CEP85L: variants seen among roughly 807,000 people sequenced by gnomAD.
CEP85L encodes the protein centrosomal protein of 85 kDa-like.
CEP85L carries 60 observed loss-of-function variants against 100.3 expected under a neutral mutation model. The ratio of observed to expected loss-of-function variants is 0.60; its 90% CI spans 0.49 to 0.74. The LOEUF (loss-of-function observed/expected upper bound fraction) is 0.74. CEP85L is among the 30% of genes least tolerant of loss of function. The pLI is 0.00. For missense variants in CEP85L, 973 were observed against 936.2 expected (o/e 1.04, Z -0.51); for synonymous variants, 319 against 322.7 (o/e 0.99, Z 0.12).
At chr6:118,687,163 A>G (rs1776862252) in intron 1 of CEP85L, among the ~76,000 whole-genome samples, 1 of 152,196 alleles carries the variant, frequency 6.6e-6, no homozygotes, top group Admixed American at 6.5e-5. Flanking sequence ...CTCAAATGTC[A>G]TTCATGTAGA....
In CEP85L at chr6:118,501,779, C is replaced by T. The variant is rs1775317886; in HGVS notation, c.1257+9519G>A. 1.1e-5 allele frequency: 11 copies of T among 1,007,004 alleles called. No homozygotes were observed. In the East Asian group the frequency reaches 2.7e-4, roughly 25 times the overall value. 62.4% of individuals were successfully genotyped at this position (1,007,004 alleles called of 1,614,324 possible). A position where few individuals can be genotyped will look rare whatever the true frequency, so the allele number is the denominator to read the frequency against. ...AAGCAGAAAGACAGAACAGACATCT[C>T]ACAGAGTGGGGAGGATGGAGGCTGC... is the stretch of plus-strand genomic sequence containing the variant. On this transcript the variant is annotated intron_variant, in intron 5 of 12. Coordinates refer to ENST00000368491, the MANE Select transcript of CEP85L (RefSeq NM_001042475.3).
chr6:118,551,952 A>G (rs1230742052), intron 3 of CEP85L, among the ~76,000 whole-genome samples: 1 of 152,020 alleles, frequency 6.6e-6, no homozygotes, highest in Non-Finnish European at 1.5e-5. Flanking sequence ...CCACAAGTCC[A>G]AAAAAGGGTA....
intron 1 of CEP85L, among the ~76,000 whole-genome samples, chr6:118,648,161 C>G (rs1775321763): frequency 1.3e-5 from 2 of 151,994 alleles, no homozygotes; most frequent in Non-Finnish European, 2.9e-5. Context: ...GACTGAGGCA[C>G]GAGAACCGCT....
intron 2 of CEP85L, among the ~76,000 whole-genome samples, chr6:118,623,421 TC>T (rs1231484195): frequency 6.6e-6 from 1 of 152,178 alleles, no homozygotes; most frequent in Admixed American, 6.5e-5. Context: ...ATGAAATAAT[TC>T]CTATATTCGG....
intron 4 of CEP85L, among the ~76,000 whole-genome samples, chr6:118,516,374 G>A (rs148838310): frequency 0.017 from 2,583 of 152,298 alleles, 69 homozygotes; most frequent in African/African-American, 0.059. Context: ...CACCAACAGT[G>A]TAAAAGTGTT....
chr6:118,600,102 A>C (rs148645840), intron 2 of CEP85L, among the ~76,000 whole-genome samples: 237 of 152,272 alleles, frequency 1.6e-3, no homozygotes, highest in African/African-American at 5.4e-3. Context: ...TAAATGGAAG[A>C]GAAGTGGAAG....
chr6:118,564,030 C>A (rs919185554), intron 3 of CEP85L, among the ~76,000 whole-genome samples: 1 of 152,118 alleles, frequency 6.6e-6, no homozygotes, highest in African/African-American at 2.4e-5. Context: ...AGGGTATATG[C>A]AAATTTTGCT....
chr6:118,585,020 C>A (rs1340058030), intron 2 of CEP85L, among the ~76,000 whole-genome samples: 1 of 152,100 alleles, frequency 6.6e-6, no homozygotes, highest in Non-Finnish European at 1.5e-5. Context: ...AAGGAAACTC[C>A]CCTAGAGAAC....
intron 2 of CEP85L, among the ~76,000 whole-genome samples, chr6:118,619,946 G>A (rs963080240): frequency 2.0e-5 from 3 of 152,148 alleles, no homozygotes; most frequent in African/African-American, 7.2e-5. Context: ...GGCAACAGGA[G>A]GTCACCGCTG....
intron 5 of CEP85L, among the ~76,000 whole-genome samples, chr6:118,508,216 G>A (rs779561037): frequency 2.0e-5 from 3 of 151,886 alleles, no homozygotes; most frequent in Non-Finnish European, 4.4e-5. Context: ...AGACTTGGTG[G>A]TGGAAACAAA....
upstream of CEP85L, chr6:118,652,946 A>G (rs1775647034): frequency 1.9e-6 from 1 of 525,368 alleles, no homozygotes; most frequent in South Asian, 2.4e-5. Context: ...AATTAGCAGA[A>G]GCTATAGCAC....
Position 118,565,177 on chromosome 6 carries a change from C to G in CEP85L, c.1020+352G>C, listed in dbSNP as rs1003897784. The G allele has an allele frequency of 1.4e-5, 3 of 220,536 alleles. No individual in the cohort carries two copies. The East Asian group carries it at 3.7e-4, about 27-fold the overall frequency. 13.7% of individuals were successfully genotyped at this position (220,536 alleles called of 1,614,324 possible). A position where few individuals can be genotyped will look rare whatever the true frequency, so the allele number is the denominator to read the frequency against. On this transcript the variant is annotated intron_variant, in intron 3 of 12. Transcript: ENST00000368491. ...CAGAACCAGACACAAAATCTAAGAC[C>G]TTGTATAGCCAAGTTGATGCTCTTT...
chr6:118,505,153 C>T (rs1282207375), intron 5 of CEP85L, among the ~76,000 whole-genome samples: 3 of 151,766 alleles, frequency 2.0e-5, no homozygotes, highest in African/African-American at 7.3e-5. Flanking sequence ...AAAGTTATCA[C>T]AGGTGGGGCC....
intron 3 of CEP85L, among the ~76,000 whole-genome samples, chr6:118,560,961 T>A (rs779465346): frequency 9.9e-5 from 15 of 152,226 alleles, no homozygotes; most frequent in Non-Finnish European, 2.1e-4. Flanking sequence ...GGATGTGTAA[T>A]TAACCATATC....
chr6:118,707,145 C>T (rs1333217623), intron 1 of CEP85L, among the ~76,000 whole-genome samples: 1 of 152,064 alleles, frequency 6.6e-6, no homozygotes, highest in African/African-American at 2.4e-5. Flanking sequence ...CCAGGCTGGT[C>T]CCAGCAGTCC....
upstream of CEP85L, among the ~76,000 whole-genome samples, chr6:118,656,422 C>T (rs546097957): frequency 9.9e-5 from 15 of 152,072 alleles, no homozygotes; most frequent in African/African-American, 3.4e-4. Context: ...TGGAAAGATA[C>T]GATGTTAGGG....
intron 8 of CEP85L, 38 bp from the exon 9 acceptor site, chr6:118,480,551 T>G: frequency 5.5e-6 from 7 of 1,276,016 alleles, no homozygotes; most frequent in African/African-American, 1.5e-5. Flanking sequence ...AAATAAGCTC[T>G]ATTTGCTGAT....
At chr6:118,582,814 C>T (rs557425226) in intron 2 of CEP85L, among the ~76,000 whole-genome samples, 13 of 152,170 alleles carry the variant, frequency 8.5e-5, no homozygotes, top group African/African-American at 1.7e-4. Flanking sequence ...AGTCAGCTCC[C>T]GATATTGGAA....
At chr6:118,611,503 C>T (rs1048570911) in intron 2 of CEP85L, among the ~76,000 whole-genome samples, 6 of 152,070 alleles carry the variant, frequency 3.9e-5, no homozygotes, top group African/African-American at 1.4e-4. Context: ...TAAGTATTAA[C>T]ATATAAATAA....
Sources: gnomAD v4.1 joint callset for allele counts (sites outside exome capture counted in the v4.1 genomes callset) on GRCh38, gnomAD v4.1.1 for gene constraint, MANE v1.5 for transcripts, NCBI Gene and HGNC (gene_info 2026-07-23, HGNC 2026-07-21) for gene names.